The following FYN variants were observed in gnomAD, a reference collection of about 807,000 sequenced individuals.
The protein encoded by FYN is FYN proto-oncogene, Src family tyrosine kinase.
FYN carries 10 observed loss-of-function variants against 70.2 expected under a neutral mutation model. The ratio of observed to expected loss-of-function variants is 0.14; its 90% confidence interval spans 0.09 to 0.24. The LOEUF (loss-of-function observed/expected upper bound fraction) is 0.24, where lower values mean the gene tolerates loss of function less well. Among genes scored for constraint, FYN ranks in the 10% least tolerant of loss-of-function variants. The pLI is 1.00. For synonymous variants in FYN, 236 were observed against 248.6 expected (o/e 0.95, Z 0.48); for missense variants, 319 against 673.1 (o/e 0.47, Z 5.82).
intron 3 of FYN, among the ~76,000 whole-genome samples, chr6:111,779,727 C>T (rs546413914): frequency 2.6e-5 from 4 of 152,228 alleles, no homozygotes; most frequent in East Asian, 1.9e-4. Flanking sequence ...TGGATGTAAC[C>T]GGCCCATCCC....
At chr6:111,737,769 CTT>C (rs1801772128) in intron 3 of FYN, among the ~76,000 whole-genome samples, 1 of 152,212 alleles carries the variant, frequency 6.6e-6, no homozygotes, top group Non-Finnish European at 1.5e-5. Context: ...CTAATCCTCT[CTT>C]TCCCATGACC....
intron 1 of FYN, among the ~76,000 whole-genome samples, chr6:111,866,008 T>C (rs1029394659): frequency 6.6e-6 from 1 of 152,218 alleles, no homozygotes; most frequent in African/African-American, 2.4e-5. Flanking sequence ...CAAATCTCTT[T>C]CTAAAATATT....
intron 1 of FYN, among the ~76,000 whole-genome samples, chr6:111,853,370 TC>T (rs1357004592): frequency 2.0e-5 from 3 of 151,834 alleles, no homozygotes; most frequent in African/African-American, 7.3e-5. Flanking sequence ...TTTTTTTTTT[TC>T]ATCAATTCAA....
chr6:111,690,336 G>A (rs1341712702), intron 12 of FYN, among the ~76,000 whole-genome samples: 2 of 152,192 alleles, frequency 1.3e-5, no homozygotes, highest in Admixed American at 1.3e-4. Context: ...AGCTGTGGCA[G>A]TGAGACCCAG....
intron 3 of FYN, among the ~76,000 whole-genome samples, chr6:111,740,085 T>C (rs1320661941): frequency 3.3e-5 from 5 of 152,138 alleles, no homozygotes; most frequent in Non-Finnish European, 7.4e-5. Context: ...TCTCCCAAAG[T>C]GCTGGGAGTA....
At chr6:111,792,423 T>C (rs944995119) in intron 2 of FYN, among the ~76,000 whole-genome samples, 3 of 152,192 alleles carry the variant, frequency 2.0e-5, no homozygotes, top group Non-Finnish European at 4.4e-5. Context: ...GCAGTTTCCA[T>C]TGAACACACA....
chr6:111,719,885 G>A lies in FYN; in HGVS notation c.167C>T (p.Ala56Val). Residue 56 changes from alanine (A) to valine (V), a missense_variant, in exon 4 of 14, where the codon GCC (alanine) becomes GTC (valine). Transcript: ENST00000354650. ...AAAGACGGTGAGTCCTTGGCCCCCG[G>A]CTGCGTGGAAGTTGTTGTAGTTGGG... is the stretch of plus-strand genomic sequence containing the variant. Reference protein sequence around the residue: ...SIPNYNNFHAAGGQGLTVFGG... With the variant: ...SIPNYNNFHAVGGQGLTVFGG... The A allele has an allele frequency of 6.2e-7, 1 of 1,614,132 alleles. No individual in the cohort carries two copies. Among genetic ancestry groups the A allele is most frequent in the Non-Finnish European group, 8.5e-7 (1 of 1,180,024 alleles).
At chr6:111,665,236 C>T (rs942168590) in intron 13 of FYN, among the ~76,000 whole-genome samples, 2 of 152,042 alleles carry the variant, frequency 1.3e-5, no homozygotes, top group Admixed American at 1.3e-4. Flanking sequence ...TCAAGAAGCT[C>T]CAGATTTTGG....
intron 2 of FYN, among the ~76,000 whole-genome samples, chr6:111,786,828 T>G (rs1177371031): frequency 6.6e-6 from 1 of 152,240 alleles, no homozygotes; most frequent in Non-Finnish European, 1.5e-5. Context: ...ATGATGAGCA[T>G]TTTTTCATGT....
intron 13 of FYN, among the ~76,000 whole-genome samples, chr6:111,667,239 T>C (rs1031828303): frequency 1.3e-5 from 2 of 152,028 alleles, no homozygotes; most frequent in African/African-American, 4.8e-5. Context: ...TTAGATTCTT[T>C]GAAAAAAAAT....
At chr6:111,841,171 T>C (rs1243296600) in intron 2 of FYN, among the ~76,000 whole-genome samples, 1 of 152,216 alleles carries the variant, frequency 6.6e-6, no homozygotes, top group African/African-American at 2.4e-5. Flanking sequence ...TCCCACTGCC[T>C]GCAGATGCCA....
chr6:111,717,901 C>T (rs1029222737), intron 4 of FYN, among the ~76,000 whole-genome samples: 1 of 152,168 alleles, frequency 6.6e-6, no homozygotes, highest in Non-Finnish European at 1.5e-5. Context: ...GGACTTTCCT[C>T]AGGAGAGTTA....
chr6:111,843,989 T>C (rs1773443545), intron 2 of FYN, among the ~76,000 whole-genome samples: 1 of 152,074 alleles, frequency 6.6e-6, no homozygotes, highest in Admixed American at 6.5e-5. Context: ...ACATATTGTC[T>C]CAAATATTAT....
chr6:111,719,997 C>A lies in FYN; in HGVS notation c.55G>T (p.Asp19Tyr). The change falls in exon 4 of 14, where the codon GAC (aspartate) becomes TAC (tyrosine). Residue 19 changes from aspartate to tyrosine, a missense_variant. Transcript: ENST00000354650. ...CCAGAGCTCTGGTTCAGGCTGCCGT[C>A]CCTCTCCTCCGTCAGTTTTGTTGCT... ...KEATKLTEERDGSLNQSSGYR... is the reference protein window; with the variant it reads ...KEATKLTEERYGSLNQSSGYR... 6.2e-7 allele frequency: 1 copy of A among 1,613,336 alleles called. No individual in the cohort carries two copies. The highest frequency in any genetic ancestry group is 8.5e-7 in the Non-Finnish European group (1 of 1,179,300).
chr6:111,682,554 T>C (rs908289198), intron 12 of FYN, among the ~76,000 whole-genome samples: 2 of 152,238 alleles, frequency 1.3e-5, no homozygotes. Context: ...CTGCAGATAC[T>C]TTTGCTGCCA....
intron 12 of FYN, among the ~76,000 whole-genome samples, chr6:111,675,516 G>A (rs900862452): frequency 3.9e-5 from 6 of 152,080 alleles, no homozygotes; most frequent in African/African-American, 1.4e-4. Flanking sequence ...GATTCAGGCC[G>A]GGTGTGGTGG....
intron 2 of FYN, among the ~76,000 whole-genome samples, chr6:111,788,374 T>G (rs1258309827): frequency 6.6e-6 from 1 of 152,204 alleles, no homozygotes; most frequent in Non-Finnish European, 1.5e-5. Context: ...TGTGACCAAA[T>G]TACATACATT....
At chr6:111,668,347 T>C (rs1798103679) in intron 13 of FYN, among the ~76,000 whole-genome samples, 2 of 152,222 alleles carry the variant, frequency 1.3e-5, no homozygotes, top group Admixed American at 1.3e-4. Flanking sequence ...TTTGTTTCTC[T>C]TTCCTCATCT....
intron 3 of FYN, among the ~76,000 whole-genome samples, chr6:111,728,275 C>T (rs969471902): frequency 6.6e-6 from 1 of 152,132 alleles, no homozygotes; most frequent in African/African-American, 2.4e-5. Context: ...CAGGCTCCAC[C>T]CCCTGCCCGC....
Sources: allele counts gnomAD v4.1 joint callset (sites outside exome capture counted in the v4.1 genomes callset), GRCh38; gene constraint gnomAD v4.1.1; transcripts MANE v1.5; gene names NCBI Gene and HGNC (gene_info 2026-07-23, HGNC 2026-07-21).